Variants in NFIX observed in about 807,000 individuals in gnomAD.
NFIX encodes nuclear factor I X, also known as nuclear factor 1 X-type.
NFIX carries 2 observed loss-of-function variants against 53.3 expected under a neutral mutation model. That is an observed-to-expected ratio of 0.04 (90% CI 0.02 to 0.12). The LOEUF (loss-of-function observed/expected upper bound fraction) is 0.12, where lower values mean the gene tolerates loss of function less well. NFIX is among the 10% of genes least tolerant of loss of function. The probability of loss-of-function intolerance (pLI) is 1.00; values close to 1 mark genes in which losing one functional copy is unlikely to be tolerated. For synonymous variants in NFIX, 244 were observed against 289.0 expected (o/e 0.84, Z 1.58); for missense variants, 310 against 674.5 (o/e 0.46, Z 5.99).
At chr19:13,076,445 G>C (rs1233352885) in intron 6 of NFIX, among the ~76,000 whole-genome samples, 1 of 152,192 alleles carries the variant, frequency 6.6e-6, no homozygotes, top group Non-Finnish European at 1.5e-5. Flanking sequence ...AAGACAGCAT[G>C]TAACACGTGC....
rs369516163 is a variant in NFIX, at chr19:13,001,952, C to T, written c.27+6088C>T. 5.3e-5 allele frequency among the ~76,000 whole-genome samples: 8 copies of T among 152,314 alleles called. No individual in the cohort carries two copies. The East Asian group carries it at 9.7e-4, about 18-fold the overall frequency. On this transcript the variant is annotated intron_variant, in intron 1 of 10. Transcript: ENST00000592199. This position sits in a 1 kb window ranked among gnomAD's most constrained non-coding sequence, Gnocchi z 6.5. The stretch of plus-strand genomic sequence containing the variant: ...CCGTTGTGCGGCAGCGAGGTGCGGG[C>T]GTGTGTTCGGGCCGCCCACAGGCCT...
chr19:13,073,185 G>T lies in NFIX; in HGVS notation c.622+76G>T. 7.1e-7 allele frequency: 1 copy of T among 1,402,104 alleles called. No individual in the cohort carries two copies. Among genetic ancestry groups the T allele is most frequent in the Non-Finnish European group, 1.0e-6 (1 of 987,176 alleles). 86.9% of individuals were successfully genotyped at this position (1,402,104 alleles called of 1,614,324 possible). A position where few individuals can be genotyped will look rare whatever the true frequency, so the allele number is the denominator to read the frequency against. On this transcript the variant is annotated intron_variant, in intron 3 of 10. Coordinates refer to ENST00000592199, the MANE Select transcript of NFIX (RefSeq NM_001365902.3). The surrounding 1 kb of genome is among the most constrained non-coding windows in gnomAD (Gnocchi z 4.5). ...TTCCTTCCCCCACCCTGGCTGCCCT[G>T]GCCACCCTCACTTCTTCCCCTTCAT...
At chr19:13,054,272 G>A (rs930972332) in intron 2 of NFIX, among the ~76,000 whole-genome samples, 23 of 152,192 alleles carry the variant, frequency 1.5e-4, no homozygotes, top group African/African-American at 5.1e-4. Context: ...GGTGGGTTTC[G>A]CCGAGCCTCT....
rs1046039463 is a variant in NFIX at position 13,014,936 on chromosome 19, A to G, written c.28-10085A>G. On this transcript the variant is annotated intron_variant, in intron 1 of 10. Transcript: ENST00000592199. This position sits in a 1 kb window ranked among gnomAD's most constrained non-coding sequence, Gnocchi z 4.4. ...CCGCCAGGTGTGGGGTAGACCGCTT[A>G]GAAGGGAAAGGGGATCCTGAAGTGC... Among the ~76,000 whole-genome samples the G allele has an allele frequency of 6.6e-6, 1 of 152,230 alleles. No individual in the cohort carries two copies. The highest frequency in any genetic ancestry group is 6.5e-5 in the Admixed American group (1 of 15,278).
In NFIX at chr19:13,049,739, G is replaced by T. The variant is rs960425102; in HGVS notation, c.560-23308G>T. ...CTCCTAAGTAGCTGGGACTACAGGCGCCCGCCACCATGCCCAGCTAATTTT... is the reference window on the plus strand; with the variant it reads ...CTCCTAAGTAGCTGGGACTACAGGCTCCCGCCACCATGCCCAGCTAATTTT... On this transcript the variant is annotated intron_variant, in intron 2 of 10. Coordinates refer to ENST00000592199, the MANE Select transcript of NFIX (RefSeq NM_001365902.3). This position sits in a 1 kb window ranked among gnomAD's most constrained non-coding sequence, Gnocchi z 4.5. Among the ~76,000 whole-genome samples the T allele has an allele frequency of 1.3e-5, 2 of 151,876 alleles. No individual in the cohort carries two copies. Among genetic ancestry groups the T allele is most frequent in the African/African-American group, 4.8e-5 (2 of 41,324 alleles).
rs771310547 is a variant in NFIX, at chr19:13,081,688, C to T, written c.1087C>T (p.Arg363Trp). Residue 363 changes from arginine to tryptophan, a missense_variant, in exon 8 of 11, where the codon CGG (arginine) becomes TGG (tryptophan). Physicochemically the swap from Arg to Trp is moderately radical, Grantham distance 101. Coordinates refer to ENST00000592199, the MANE Select transcript of NFIX (RefSeq NM_001365902.3). The surrounding 1 kb of genome is among the most constrained non-coding windows in gnomAD (Gnocchi z 4.7). The stretch of plus-strand genomic sequence containing the variant: ...TGCCCACGTGCATGCAGGGAGCCCC[C>T]GGGCCACAGCATCAGCCCTGCACTT... The part of the protein sequence containing the change: ...VLAGVRPGSP[R>W]ATASALHFPS... The T allele has an allele frequency of 6.2e-7, 1 of 1,612,882 alleles. No individual in the cohort carries two copies. Among genetic ancestry groups the T allele is most frequent in the Non-Finnish European group, 8.5e-7 (1 of 1,179,102 alleles).
chr19:13,063,360 GGT>G (rs1449439629), intron 2 of NFIX, among the ~76,000 whole-genome samples: 1 of 152,024 alleles, frequency 6.6e-6, no homozygotes, highest in Non-Finnish European at 1.5e-5. Context: ...CTTGTCCTGG[GGT>G]CTCCCCAGTT....
intron 5 of NFIX, among the ~76,000 whole-genome samples, chr19:13,075,065 ATCT>A (rs2017003489): frequency 2.1e-5 from 3 of 144,098 alleles, no homozygotes; most frequent in Non-Finnish European, 3.0e-5. Flanking sequence ...GCGAGACTCC[ATCT>A]AAAAAAAAAA....
At position 12,996,001 on chromosome 19, in the gene NFIX, T is replaced by A; in HGVS notation, c.27+137T>A. 1 of 221,160 alleles carries A rather than the reference T, an allele frequency of 4.5e-6. No individual in the cohort carries two copies. Among genetic ancestry groups the A allele is most frequent in the Non-Finnish European group, 7.6e-6 (1 of 132,444 alleles). The allele number at this position is 221,160 out of a possible 1,614,324, so 13.7% of individuals were successfully genotyped here. ...GCGGGCCGCCGAGGGGTGCAGGCTG[T>A]GCCGCGGGGAGCCCAGGCACGCGTG... is the stretch of plus-strand genomic sequence containing the variant. On this transcript the variant is annotated intron_variant, in intron 1 of 10. Transcript: ENST00000592199. This position sits in a 1 kb window ranked among gnomAD's most constrained non-coding sequence, Gnocchi z 5.2.
intron 2 of NFIX, among the ~76,000 whole-genome samples, chr19:13,065,248 G>A (rs1402878007): frequency 6.6e-6 from 1 of 152,202 alleles, no homozygotes; most frequent in Non-Finnish European, 1.5e-5. Context: ...GGTAGGCCAA[G>A]GGCAGGCTCA....
chr19:13,094,738 C>T lies in NFIX; in HGVS notation c.*89C>T. 7.3e-7 allele frequency: 1 copy of T among 1,371,046 alleles called. No individual in the cohort carries two copies. The highest frequency in any genetic ancestry group is 1.0e-6 in the Non-Finnish European group (1 of 1,001,354). The allele number at this position is 1,371,046 out of a possible 1,614,324, so 84.9% of individuals were successfully genotyped here. A position where few individuals can be genotyped will look rare whatever the true frequency, so the allele number is the denominator to read the frequency against. On this transcript the variant is annotated 3_prime_UTR_variant, in exon 11 of 11. Transcript: ENST00000592199. This position sits in a 1 kb window ranked among gnomAD's most constrained non-coding sequence, Gnocchi z 4.3. ...TTTTGAGAATGGAAAAATCCCCCAGCCCAGCCCAGCCCCACCGAAAAGCAA... is the reference window on the plus strand; with the variant it reads ...TTTTGAGAATGGAAAAATCCCCCAGTCCAGCCCAGCCCCACCGAAAAGCAA...
rs1050287971 is a variant in NFIX, at chr19:13,069,093, C to T, written c.560-3954C>T. On this transcript the variant is annotated intron_variant, in intron 2 of 10. Transcript: ENST00000592199. ...GAAAGAACTCTCCAGCTTCCAGCAC[C>T]AGCATGGAGGGAAACTCTGAGTTGG... Among the ~76,000 whole-genome samples, 9 of 152,224 alleles carry T rather than the reference C, an allele frequency of 5.9e-5. 1 individual carries two copies.
chr19:13,093,426 C>G lies in NFIX; in HGVS notation c.1495-1209C>G, dbSNP rs889774997. On this transcript the variant is annotated intron_variant, in intron 10 of 10. Coordinates refer to ENST00000592199, the MANE Select transcript of NFIX (RefSeq NM_001365902.3). The surrounding 1 kb of genome is among the most constrained non-coding windows in gnomAD (Gnocchi z 4.7). ...TTGAAAAGTTGGCAGATGAGCTGCC[C>G]TGGGCCCTCACCCTGACCCTAGGCA... 6.6e-6 allele frequency among the ~76,000 whole-genome samples: 1 copy of G among 152,262 alleles called. No individual in the cohort carries two copies. Among genetic ancestry groups the G allele is most frequent in the African/African-American group, 2.4e-5 (1 of 41,472 alleles).
At chr19:13,046,564 G>A (rs748515524) in intron 2 of NFIX, among the ~76,000 whole-genome samples, 1 of 151,932 alleles carries the variant, frequency 6.6e-6, no homozygotes, top group Non-Finnish European at 1.5e-5. Flanking sequence ...CGTTCCTGGG[G>A]CTTTTGCCAT....
chr19:13,024,439 G>A, intron 1 of NFIX: 2 of 1,436,462 alleles, frequency 1.4e-6, no homozygotes, highest in Non-Finnish European at 1.8e-6. Context: ...AGCCTGGGGA[G>A]AGGGAAGCCT....
At chr19:13,055,615 G>A (rs1381308339) in intron 2 of NFIX, among the ~76,000 whole-genome samples, 2 of 152,216 alleles carry the variant, frequency 1.3e-5, no homozygotes, top group African/African-American at 4.8e-5. Flanking sequence ...ACTTGGAGCA[G>A]CCTCAGGGCT....
Position 12,998,607 on chromosome 19 carries a change from C to T in NFIX, c.27+2743C>T, listed in dbSNP as rs1387231637. Among the ~76,000 whole-genome samples, 1 of 152,010 alleles carries T rather than the reference C, an allele frequency of 6.6e-6. No homozygotes were observed. The highest frequency in any genetic ancestry group is 1.5e-5 in the Non-Finnish European group (1 of 68,002). The stretch of plus-strand genomic sequence containing the variant: ...GGGGGTGGATGGATGGACCCCCATC[C>T]CCATCCCAACCCTGCCAAGAAACAG... On this transcript the variant is annotated intron_variant, in intron 1 of 10. Coordinates refer to ENST00000592199, the MANE Select transcript of NFIX (RefSeq NM_001365902.3). This position sits in a 1 kb window ranked among gnomAD's most constrained non-coding sequence, Gnocchi z 4.4.
At chr19:13,016,631 T>A (rs2012683008) in intron 1 of NFIX, among the ~76,000 whole-genome samples, 2 of 151,790 alleles carry the variant, frequency 1.3e-5, no homozygotes, top group African/African-American at 2.4e-5. Context: ...ATGGCTCTGT[T>A]CAAATTGGGT....
intron 2 of NFIX, among the ~76,000 whole-genome samples, chr19:13,058,180 G>C (rs2145355178): frequency 6.6e-6 from 1 of 152,206 alleles, no homozygotes; most frequent in South Asian, 2.1e-4. Flanking sequence ...TGGATGGCAA[G>C]AGGGGTTTTG....
Sources: gnomAD v4.1 joint callset for allele counts (sites outside exome capture counted in the v4.1 genomes callset) on GRCh38, gnomAD v4.1.1 for gene constraint, Gnocchi (gnomAD v3.1) non-coding constraint, MANE v1.5 for transcripts, NCBI Gene and HGNC (gene_info 2026-07-23, HGNC 2026-07-21) for gene names.